Variants in CACNA2D3 observed in about 807,000 individuals in gnomAD.
CACNA2D3 encodes the protein voltage-dependent calcium channel subunit alpha-2/delta-3.
CACNA2D3 carries 60 observed loss-of-function variants against 160.6 expected under a neutral mutation model. That is an observed-to-expected ratio of 0.37 (90% CI 0.30 to 0.46). The LOEUF (loss-of-function observed/expected upper bound fraction) is 0.46, where lower values mean the gene tolerates loss of function less well. CACNA2D3 is among the 20% of genes least tolerant of loss of function. CACNA2D3 has a pLI of 1.00. For missense variants in CACNA2D3, 1,205 were observed against 1,365.0 expected, an observed-to-expected ratio of 0.88 and a Z score of 1.85; for synonymous variants, 558 against 492.9, an observed-to-expected ratio of 1.13 and a Z score of -1.75.
At chr3:54,449,248 C>G (rs1053836013) in intron 4 of CACNA2D3, among the ~76,000 whole-genome samples, 5 of 152,134 alleles carry the variant, frequency 3.3e-5, no homozygotes. Context: ...TCATTTGATA[C>G]AAACAACATA....
intron 12 of CACNA2D3, among the ~76,000 whole-genome samples, chr3:54,753,544 C>G (rs894719099): frequency 4.6e-5 from 7 of 152,186 alleles, no homozygotes; most frequent in Non-Finnish European, 1.0e-4. Flanking sequence ...CTGCCCCTTG[C>G]ATCTGCCAAC....
At chr3:55,031,936 A>G (rs1394007462) in intron 35 of CACNA2D3, among the ~76,000 whole-genome samples, 4 of 152,144 alleles carry the variant, frequency 2.6e-5, no homozygotes, top group African/African-American at 9.7e-5. Flanking sequence ...CAAATTATAT[A>G]TTTCACGAGT....
chr3:54,274,537 A>T (rs766023226), intron 2 of CACNA2D3, among the ~76,000 whole-genome samples: 7 of 152,186 alleles, frequency 4.6e-5, no homozygotes, highest in Non-Finnish European at 8.8e-5. Flanking sequence ...TTGTATTGCA[A>T]ATTACCCCCA....
At chr3:54,246,512 G>A (rs1340843507) in intron 2 of CACNA2D3, among the ~76,000 whole-genome samples, 1 of 151,992 alleles carries the variant, frequency 6.6e-6, no homozygotes, top group Non-Finnish European at 1.5e-5. Flanking sequence ...GGCCAACTTG[G>A]CGAAACTCCA....
At chr3:55,053,506 C>T (rs952846023) in intron 35 of CACNA2D3, among the ~76,000 whole-genome samples, 11 of 151,892 alleles carry the variant, frequency 7.2e-5, no homozygotes, top group African/African-American at 2.4e-4. Context: ...GTATATAGTT[C>T]CTGCACATCT....
chr3:54,346,628 T>A (rs897696179), intron 3 of CACNA2D3, among the ~76,000 whole-genome samples: 3 of 152,188 alleles, frequency 2.0e-5, no homozygotes, highest in Non-Finnish European at 4.4e-5. Flanking sequence ...TTTCTCGCAT[T>A]ATTAACATCT....
chr3:55,013,552 GT>G (rs1703257766), intron 34 of CACNA2D3, among the ~76,000 whole-genome samples: 1 of 152,150 alleles, frequency 6.6e-6, no homozygotes, highest in Non-Finnish European at 1.5e-5. Flanking sequence ...GGCTTGCAAG[GT>G]TTCTTCATTC....
intron 9 of CACNA2D3, among the ~76,000 whole-genome samples, chr3:54,616,781 G>A (rs1403841627): frequency 2.6e-5 from 4 of 152,184 alleles, no homozygotes; most frequent in Non-Finnish European, 2.9e-5. Flanking sequence ...TTAGCTGTGA[G>A]ACCTAGTCAA....
At chr3:54,333,224 G>A (rs1393541405) in intron 3 of CACNA2D3, among the ~76,000 whole-genome samples, 2 of 152,090 alleles carry the variant, frequency 1.3e-5, no homozygotes, top group East Asian at 3.9e-4. Flanking sequence ...CCACCTCCCA[G>A]GCCAGTGGTT....
In CACNA2D3 at chr3:54,831,191, C is replaced by G. The variant is rs139889370; in HGVS notation, c.1399-5968C>G. 4.7e-3 allele frequency among the ~76,000 whole-genome samples: 721 copies of G among 152,310 alleles called. 2 individuals are homozygous for G. The highest frequency in any genetic ancestry group is 7.6e-3 in the Non-Finnish European group (520 of 68,034). Reference sequence around the variant, plus strand: ...GTCCACCATTTGTGCACAACCTTCCCTTTAAGCCCAAGCCTCTAGGGCTGA... The same window carrying G: ...GTCCACCATTTGTGCACAACCTTCCGTTTAAGCCCAAGCCTCTAGGGCTGA... On this transcript the variant is annotated intron_variant, in intron 14 of 37. Coordinates refer to ENST00000474759, the MANE Select transcript of CACNA2D3 (RefSeq NM_018398.3).
chr3:54,739,258 A>G (rs1179276640), intron 11 of CACNA2D3, among the ~76,000 whole-genome samples: 2 of 151,992 alleles, frequency 1.3e-5, no homozygotes, highest in African/African-American at 4.8e-5. Flanking sequence ...CATCTCTACT[A>G]AACATACAAA....
At chr3:54,186,148 G>T (rs1024350733) in intron 2 of CACNA2D3, among the ~76,000 whole-genome samples, 4 of 152,164 alleles carry the variant, frequency 2.6e-5, no homozygotes, top group African/African-American at 9.7e-5. Flanking sequence ...GGGAATGAGG[G>T]TGAGGATGGT....
At chr3:54,129,416 G>T (rs1471786371) in intron 2 of CACNA2D3, among the ~76,000 whole-genome samples, 1 of 152,130 alleles carries the variant, frequency 6.6e-6, no homozygotes, top group African/African-American at 2.4e-5. Flanking sequence ...TCATTCCAAG[G>T]CTGTTTAAGG....
intron 35 of CACNA2D3, among the ~76,000 whole-genome samples, chr3:55,051,475 G>A (rs920033928): frequency 5.8e-4 from 89 of 152,156 alleles, no homozygotes; most frequent in Non-Finnish European, 1.0e-3. Flanking sequence ...CAGATCTCCA[G>A]CTGCATGCTG....
chr3:55,033,805 A>G (rs1156395179), intron 35 of CACNA2D3, among the ~76,000 whole-genome samples: 1 of 122,382 alleles, frequency 8.2e-6, no homozygotes, highest in Non-Finnish European at 1.6e-5. Context: ...TTTATATAAT[A>G]TGTATTATAT....
intron 27 of CACNA2D3, among the ~76,000 whole-genome samples, chr3:54,922,925 C>CAAG (rs369093112): frequency 4.7e-4 from 71 of 152,280 alleles, no homozygotes; most frequent in African/African-American, 1.6e-3. Context: ...TTATGGTCTT[C>CAAG]TCTTAGTCAT....
At chr3:54,995,306 A>G (rs891698733) in intron 31 of CACNA2D3, among the ~76,000 whole-genome samples, 3 of 152,164 alleles carry the variant, frequency 2.0e-5, no homozygotes, top group Admixed American at 1.3e-4. Context: ...TTAGAGTCCA[A>G]TGTATTAGTT....
chr3:54,353,197 C>G (rs974140149), intron 3 of CACNA2D3, among the ~76,000 whole-genome samples: 1 of 152,164 alleles, frequency 6.6e-6, no homozygotes, highest in Non-Finnish European at 1.5e-5. Context: ...GTCGTGCAGT[C>G]TTACTGGTAG....
In CACNA2D3 at chr3:54,950,426, G is replaced by A. The variant is rs539355391; in HGVS notation, c.2450-18024G>A. 1.6e-4 allele frequency among the ~76,000 whole-genome samples: 24 copies of A among 152,268 alleles called. No individual in the cohort carries two copies. In the East Asian group the frequency reaches 4.6e-3, roughly 29 times the overall value. On this transcript the variant is annotated intron_variant, in intron 27 of 37. Transcript: ENST00000474759. ...TCCTCATTTTAGGGAACCTGTGTAT[G>A]CTGTGAAATTGCAGTGTTCCTTCCT...
Sources: gnomAD v4.1 joint callset for allele counts (sites outside exome capture counted in the v4.1 genomes callset) on GRCh38, gnomAD v4.1.1 for gene constraint, MANE v1.5 for transcripts, NCBI Gene and HGNC (gene_info 2026-07-23, HGNC 2026-07-21) for gene names.